Variants in CSMD1 observed in about 807,000 individuals in gnomAD.
CSMD1 encodes the protein CUB and Sushi multiple domains 1, also known as CUB and sushi domain-containing protein 1.
In CSMD1, 213 loss-of-function variants were observed where a neutral mutation model predicts 417.5. The observed-to-expected ratio is 0.51, with a 90% CI of 0.46 to 0.57. CSMD1 has a LOEUF of 0.57. Ranked by LOEUF, CSMD1 falls within the 20% of genes least tolerant of loss-of-function variation. The pLI, the probability that CSMD1 is intolerant of heterozygous loss-of-function variation, is 0.00. For synonymous variants in CSMD1, 2,862 were observed against 1,736.8 expected (o/e 1.65, Z -16.11); for missense variants, 6,923 against 4,529.7 (o/e 1.53, Z -15.17).
chr8:4,734,075 T>C (rs931030872), intron 1 of CSMD1, among the ~76,000 whole-genome samples: 10 of 152,232 alleles, frequency 6.6e-5, no homozygotes, highest in African/African-American at 2.4e-4. Context: ...GGTGACAAGT[T>C]ATTTTTTATT....
rs540303079 is a variant in CSMD1 at position 3,700,111 on chromosome 8, A to C, written c.1009+8303T>G. 8.9e-3 allele frequency among the ~76,000 whole-genome samples: 1,358 copies of C among 152,276 alleles called. 13 individuals are homozygous for C. The highest frequency in any genetic ancestry group is 0.024 in the South Asian group (116 of 4,830). On this transcript the variant is annotated intron_variant, in intron 7 of 69. Transcript: ENST00000635120. ...AGGGCTCTGTGGACGTTGGGGGAAG[A>C]GTGGGAGTGGGGCGAGGGATAAAAG...
intron 2 of CSMD1, among the ~76,000 whole-genome samples, chr8:4,453,324 G>C (rs560493934): frequency 7.1e-4 from 108 of 152,138 alleles, no homozygotes; most frequent in African/African-American, 2.1e-3. Flanking sequence ...CAAGAATTCA[G>C]ACTCCCACTG....
chr8:4,505,348 TCA>T (rs1444263664), intron 2 of CSMD1, among the ~76,000 whole-genome samples: 1 of 152,186 alleles, frequency 6.6e-6, no homozygotes, highest in Non-Finnish European at 1.5e-5. Context: ...ACAATTTTAC[TCA>T]GAGATCACTG....
At chr8:4,079,996 T>C (rs138125357) in intron 3 of CSMD1, among the ~76,000 whole-genome samples, 14 of 149,990 alleles carry the variant, frequency 9.3e-5, no homozygotes, top group African/African-American at 2.2e-4. Context: ...TATGTTCGAA[T>C]ATTGGTGTTT....
At chr8:3,639,087 A>G (rs1428143354) in intron 7 of CSMD1, among the ~76,000 whole-genome samples, 1 of 152,178 alleles carries the variant, frequency 6.6e-6, no homozygotes, top group Non-Finnish European at 1.5e-5. Context: ...CAACTTCCAC[A>G]AATTGGAAAA....
chr8:3,903,999 A>C (rs1200900690), intron 5 of CSMD1, among the ~76,000 whole-genome samples: 1 of 151,428 alleles, frequency 6.6e-6, no homozygotes, highest in East Asian at 1.9e-4. Context: ...TTAATGTCCT[A>C]CCGTCCTATC....
chr8:4,441,158 G>C (rs1211380081), intron 2 of CSMD1, among the ~76,000 whole-genome samples: 1 of 113,956 alleles, frequency 8.8e-6, no homozygotes, highest in Non-Finnish European at 1.7e-5. Context: ...GAGTGCAGTG[G>C]TACAACCTTG....
chr8:3,828,158 A>G (rs920396990), intron 5 of CSMD1, among the ~76,000 whole-genome samples: 2 of 152,162 alleles, frequency 1.3e-5, no homozygotes, highest in Non-Finnish European at 2.9e-5. Context: ...GTCACTTAAC[A>G]TTTACAAAGG....
intron 38 of CSMD1, among the ~76,000 whole-genome samples, chr8:3,161,598 G>C (rs1819896558): frequency 6.7e-6 from 1 of 148,450 alleles, no homozygotes; most frequent in Non-Finnish European, 1.5e-5. Context: ...ACTCCAGCCT[G>C]GGTGACAGAG....
intron 10 of CSMD1, among the ~76,000 whole-genome samples, chr8:3,537,816 C>G (rs923119036): frequency 6.6e-6 from 1 of 152,212 alleles, no homozygotes; most frequent in Non-Finnish European, 1.5e-5. Context: ...TTGGCACAAA[C>G]TTGGTCAAAT....
At chr8:3,574,323 C>G (rs1800058750) in intron 10 of CSMD1, among the ~76,000 whole-genome samples, 2 of 152,236 alleles carry the variant, frequency 1.3e-5, no homozygotes, top group African/African-American at 4.8e-5. Context: ...CCACTTCAAG[C>G]TCTGCCTCCT....
At chr8:3,593,990 AC>A (rs1041302786) in intron 8 of CSMD1, among the ~76,000 whole-genome samples, 2 of 152,220 alleles carry the variant, frequency 1.3e-5, no homozygotes, top group African/African-American at 4.8e-5. Context: ...TATTAGAAAG[AC>A]GACAGTGTTT....
At chr8:3,996,637 G>C (rs1251051499) in intron 5 of CSMD1, among the ~76,000 whole-genome samples, 2 of 152,148 alleles carry the variant, frequency 1.3e-5, no homozygotes, top group Admixed American at 1.3e-4. Flanking sequence ...TAAAGTTAAA[G>C]TCATACAACC....
intron 5 of CSMD1, among the ~76,000 whole-genome samples, chr8:3,912,535 G>T (rs1808531149): frequency 6.6e-6 from 1 of 152,124 alleles, no homozygotes; most frequent in South Asian, 2.1e-4. Context: ...AGAGGGGGCT[G>T]GTTAATCTTA....
intron 1 of CSMD1, among the ~76,000 whole-genome samples, chr8:4,938,733 T>C (rs929540665): frequency 6.6e-6 from 1 of 152,174 alleles, no homozygotes; most frequent in African/African-American, 2.4e-5. Flanking sequence ...ATCTGAAATC[T>C]GAGAATGGGA....
intron 2 of CSMD1, among the ~76,000 whole-genome samples, chr8:4,599,454 G>A (rs540107463): frequency 4.6e-5 from 7 of 151,384 alleles, no homozygotes; most frequent in African/African-American, 1.5e-4. Flanking sequence ...CTAATTAAGA[G>A]AAGACAGAGT....
At chr8:4,625,335 G>C (rs1301724707) in intron 2 of CSMD1, among the ~76,000 whole-genome samples, 1 of 152,040 alleles carries the variant, frequency 6.6e-6, no homozygotes, top group African/African-American at 2.4e-5. Context: ...TCTCAATAGA[G>C]GGTCAAGTTT....
At chr8:3,873,379 A>G (rs1408550375) in intron 5 of CSMD1, among the ~76,000 whole-genome samples, 1 of 152,204 alleles carries the variant, frequency 6.6e-6, no homozygotes, top group Non-Finnish European at 1.5e-5. Context: ...AGACATAAAA[A>G]AAAATGAGAT....
chr8:3,107,575 T>C, intron 45 of CSMD1, 143 bp downstream of exon 45: 1 of 560,218 alleles, frequency 1.8e-6, no homozygotes, highest in Non-Finnish European at 3.1e-6. Flanking sequence ...TCAGCAATAC[T>C]TTAAGGATAG....
Sources: allele counts gnomAD v4.1 joint callset (sites outside exome capture counted in the v4.1 genomes callset), GRCh38; gene constraint gnomAD v4.1.1; transcripts MANE v1.5; gene names NCBI Gene and HGNC (gene_info 2026-07-23, HGNC 2026-07-21).